The following HDAC9 variants were observed in gnomAD, a reference collection of about 807,000 sequenced individuals.
HDAC9 encodes the protein MEF-2 interacting transcription repressor (MITR) protein.
Under a neutral mutation model 139.4 loss-of-function variants are expected in HDAC9, and 41 were observed. That is an observed-to-expected ratio of 0.29 (90% confidence interval 0.23 to 0.38). The LOEUF is 0.38. HDAC9 is among the 10% of genes least tolerant of loss of function. HDAC9 has a pLI of 1.00. For missense variants in HDAC9, 1,147 were observed against 1,297.0 expected, an observed-to-expected ratio of 0.88 and a Z score of 1.78; for synonymous variants, 517 against 476.2, an observed-to-expected ratio of 1.09 and a Z score of -1.12.
intron 14 of HDAC9, among the ~76,000 whole-genome samples, chr7:18,756,485 T>A (rs1246399572): frequency 6.6e-6 from 1 of 152,218 alleles, no homozygotes; most frequent in South Asian, 2.1e-4. Context: ...CTTATTCAGG[T>A]TTCCTGTTTG....
chr7:18,854,055 A>G (rs1483403788), intron 21 of HDAC9, among the ~76,000 whole-genome samples: 1 of 152,208 alleles, frequency 6.6e-6, no homozygotes, highest in Non-Finnish European at 1.5e-5. Context: ...ATAAATAGAC[A>G]TCTATTTTTG....
At chr7:18,356,755 G>A (rs899666273) in intron 1 of HDAC9, among the ~76,000 whole-genome samples, 2 of 151,710 alleles carry the variant, frequency 1.3e-5, no homozygotes, top group Non-Finnish European at 3.0e-5. Flanking sequence ...CCTGACACAA[G>A]TTCTTCAGAT....
At chr7:18,507,970 A>T (rs1470623372) in intron 2 of HDAC9, among the ~76,000 whole-genome samples, 1 of 152,214 alleles carries the variant, frequency 6.6e-6, no homozygotes, top group Non-Finnish European at 1.5e-5. Flanking sequence ...CGGGTCGAAG[A>T]CTTTGGAAGA....
At chr7:18,638,482 C>G (rs566591626) in intron 8 of HDAC9, among the ~76,000 whole-genome samples, 32 of 152,126 alleles carry the variant, frequency 2.1e-4, no homozygotes, top group Non-Finnish European at 4.6e-4. Flanking sequence ...GAACCTGGCT[C>G]CAAAACCGGC....
chr7:18,815,238 C>A (rs1018072120), intron 17 of HDAC9, among the ~76,000 whole-genome samples: 1 of 151,682 alleles, frequency 6.6e-6, no homozygotes, highest in Admixed American at 6.6e-5. Context: ...CATACTTGGG[C>A]CATATTTATA....
chr7:18,741,855 G>A (rs1195434256), intron 13 of HDAC9, among the ~76,000 whole-genome samples: 3 of 152,150 alleles, frequency 2.0e-5, no homozygotes, highest in African/African-American at 7.2e-5. Flanking sequence ...GGATGACTTC[G>A]AGGGGGTCAA....
intron 23 of HDAC9, chr7:18,949,329 G>T: frequency 4.0e-6 from 1 of 252,208 alleles, no homozygotes; most frequent in South Asian, 5.0e-5. Flanking sequence ...CACCTCTAGA[G>T]GCAGCTCGCT....
intron 22 of HDAC9, among the ~76,000 whole-genome samples, chr7:18,890,469 T>G (rs113030089): frequency 1.3e-5 from 2 of 152,222 alleles, no homozygotes; most frequent in African/African-American, 4.8e-5. Flanking sequence ...CAGACATCTA[T>G]GTAACAAGGA....
intron 23 of HDAC9, among the ~76,000 whole-genome samples, chr7:18,948,358 T>C (rs1782550873): frequency 6.6e-6 from 1 of 152,206 alleles, no homozygotes; most frequent in Non-Finnish European, 1.5e-5. Context: ...AATATGTAAA[T>C]TTAACAAAGT....
intron 1 of HDAC9, among the ~76,000 whole-genome samples, chr7:18,444,265 G>A (rs1792078023): frequency 6.6e-6 from 1 of 150,580 alleles, no homozygotes; most frequent in African/African-American, 2.5e-5. Context: ...CTTGAACCTG[G>A]GAGAAGGAGG....
At chr7:18,284,594 T>C (rs568778457) in intron 2 of HDAC9, among the ~76,000 whole-genome samples, 1 of 152,320 alleles carries the variant, frequency 6.6e-6, no homozygotes, top group African/African-American at 2.4e-5. Context: ...GGATCGACTA[T>C]AATGAATTCT....
At chr7:18,762,095 G>T (rs946624747) in intron 14 of HDAC9, 62 bp from the exon 15 acceptor site, 1 of 1,564,642 alleles carries the variant, frequency 6.4e-7, no homozygotes, top group Non-Finnish European at 8.8e-7. Context: ...TGTGACTTGG[G>T]GTCTCATTTT....
intron 1 of HDAC9, among the ~76,000 whole-genome samples, chr7:18,365,116 G>A (rs1784078291): frequency 6.6e-6 from 1 of 152,152 alleles, no homozygotes. Context: ...GATGGAAAGA[G>A]TGAGGTCAAT....
rs956740457 is a variant in HDAC9, at chr7:18,626,877, T to C, written c.665-2473T>C. On this transcript the variant is annotated intron_variant, in intron 6 of 25. Transcript: ENST00000686413. ...CCAATCTGTCAGCACATTTTTATCT[T>C]GATTGCAGACACTCAGCCCCAGCTG... 1.3e-5 allele frequency among the ~76,000 whole-genome samples: 2 copies of C among 152,168 alleles called. 1 individual carries two copies. The highest frequency in any genetic ancestry group is 4.1e-4 in the South Asian group (2 of 4,830).
At chr7:18,687,462 T>C (rs897271500) in intron 12 of HDAC9, among the ~76,000 whole-genome samples, 9 of 151,884 alleles carry the variant, frequency 5.9e-5, no homozygotes, top group African/African-American at 2.2e-4. Flanking sequence ...AGAACCCTCA[T>C]TGATGGGAAA....
In HDAC9 at chr7:18,732,907, G is replaced by GTATGTGTATA. The variant is rs1562893514; in HGVS notation, c.1909+5150_1909+5151insTATGTGTATA. Reference sequence around the variant, plus strand: ...TGCGTATGTGTACACACACACGTGTGCGTATGTGTATACACACGTGTGTAT... The same window carrying GTATGTGTATA: ...TGCGTATGTGTACACACACACGTGTGTATGTGTATACGTATGTGTATACACACGTGTGTAT... On this transcript the variant is annotated intron_variant, in intron 13 of 25. Transcript: ENST00000686413. 2.3e-5 allele frequency among the ~76,000 whole-genome samples: 2 copies of GTATGTGTATA among 87,472 alleles called. 1 individual carries two copies. Among genetic ancestry groups the GTATGTGTATA allele is most frequent in the African/African-American group, 1.6e-4 (2 of 12,568 alleles). 57.4% of individuals were successfully genotyped at this position (87,472 alleles called of 152,430 possible). A position where few individuals can be genotyped will look rare whatever the true frequency, so the allele number is the denominator to read the frequency against.
chr7:18,688,942 G>C (rs1015931768), intron 12 of HDAC9, among the ~76,000 whole-genome samples: 16 of 151,916 alleles, frequency 1.1e-4, no homozygotes, highest in Non-Finnish European at 2.1e-4. Context: ...CTTAGAAAAA[G>C]TAAAGGAAAG....
chr7:18,162,616 A>G, intron 2 of HDAC9: 2 of 469,624 alleles, frequency 4.3e-6, no homozygotes, highest in South Asian at 4.8e-5. Context: ...ATTCAGATTG[A>G]ACTTTATGAA....
chr7:18,365,887 A>G lies in HDAC9; in HGVS notation c.-42+75372A>G, dbSNP rs868198076. ...TAGAGTTGAAGAGAAGATTAAATGA[A>G]TGTAACATCATGCCTGATGAATTCT... On this transcript the variant is annotated intron_variant, in intron 1 of 3. Coordinates refer to the HDAC9 transcript ENST00000413509. 1.1e-4 allele frequency among the ~76,000 whole-genome samples: 17 copies of G among 151,980 alleles called. No homozygotes were observed. In the South Asian group the frequency reaches 2.9e-3, roughly 26 times the overall value.
Sources: gnomAD v4.1 joint callset for allele counts (sites outside exome capture counted in the v4.1 genomes callset) on GRCh38, gnomAD v4.1.1 for gene constraint, MANE v1.5 for transcripts, NCBI Gene and HGNC (gene_info 2026-07-23, HGNC 2026-07-21) for gene names.